NRAP: variants seen among roughly 807,000 people sequenced by gnomAD.
The protein encoded by NRAP is nebulin-related-anchoring protein.
Under a neutral mutation model 225.9 loss-of-function variants are expected in NRAP, and 189 were observed. The observed-to-expected ratio is 0.84, with a 90% CI of 0.74 to 0.94. The LOEUF is 0.94. NRAP is among the 40% of genes least tolerant of loss of function. The probability of loss-of-function intolerance (pLI) is 0.00; values close to 1 mark genes in which losing one functional copy is unlikely to be tolerated. For missense variants in NRAP, 2,176 were observed against 2,168.7 expected (o/e 1.00, Z -0.07); for synonymous variants, 769 against 790.7 (o/e 0.97, Z 0.46).
rs192020490 is a variant in NRAP at position 113,614,621 on chromosome 10, T to A, written c.3186+218A>T. ...GTGCATTTCATCTGCCCAGGGTCTA[T>A]GTTTACAGTCCAGCATTTGGCTTTG... is the stretch of plus-strand genomic sequence containing the variant. On this transcript the variant is annotated intron_variant, in intron 28 of 41. Coordinates refer to ENST00000359988, the MANE Select transcript of NRAP (RefSeq NM_198060.4). Among the ~76,000 whole-genome samples, 4 of 152,328 alleles carry A rather than the reference T, an allele frequency of 2.6e-5. No individual in the cohort carries two copies. The South Asian group carries it at 8.3e-4, about 32-fold the overall frequency.
In NRAP at chr10:113,645,854, C is replaced by A. The variant is rs1564750445; in HGVS notation, c.1081G>T (p.Ala361Ser). ...CTCACGAGTTTGTTTACGCTCTGAG[C>A]CTGTTTGAGAACCAAGTTGTCTTGA... ...PAQDNLVLKQAQSVNKLVSEV... is the reference protein window; with the variant it reads ...PAQDNLVLKQSQSVNKLVSEV... Residue 361 changes from alanine (A) to serine (S), a missense_variant, in exon 11 of 42, where the codon GCT (alanine) becomes TCT (serine). By Grantham distance (99) the Ala-to-Ser change is moderately conservative. This residue lies in a region of NRAP where 1,708 missense variants were observed against 1,695.5 expected (regional missense o/e 1.01). Transcript: ENST00000359988. 1 of 1,606,900 alleles carries A rather than the reference C, an allele frequency of 6.2e-7. No individual in the cohort carries two copies. Among genetic ancestry groups the A allele is most frequent in the Middle Eastern group, 1.7e-4 (1 of 6,050 alleles).
Position 113,608,434 on chromosome 10 carries a change from T to A in NRAP, c.3682A>T (p.Ser1228Cys), listed in dbSNP as rs147917122. 4 of 1,611,724 alleles carry A rather than the reference T, an allele frequency of 2.5e-6. No homozygotes were observed. The highest frequency in any genetic ancestry group is 2.7e-5 in the African/African-American group (2 of 74,876). The change falls in exon 32 of 42, where the codon AGC becomes TGC. Residue 1228 changes from serine (S) to cysteine (C), a missense_variant. This residue lies in a region of NRAP where 1,708 missense variants were observed against 1,695.5 expected (regional missense o/e 1.01). Transcript: ENST00000359988. The part of the protein sequence containing the change: ...DTPNLLHAKF[S>C]NQITNERLYK... The stretch of plus-strand genomic sequence containing the variant: ...TTTACCTCATTCGTTATCTGGTTGC[T>A]GAATTTCGCATGAAGGAGGTTGGGA...
intron 14 of NRAP, among the ~76,000 whole-genome samples, chr10:113,636,809 C>A (rs994859470): frequency 6.6e-6 from 1 of 151,992 alleles, no homozygotes; most frequent in Non-Finnish European, 1.5e-5. Context: ...GAGTTCAAGA[C>A]CAGCCTCACC....
intron 35 of NRAP, among the ~76,000 whole-genome samples, chr10:113,603,118 A>G (rs1239574655): frequency 6.6e-6 from 1 of 152,170 alleles, no homozygotes; most frequent in Admixed American, 6.5e-5. Context: ...GGGCCTAGAG[A>G]GAGGATGTGA....
intron 36 of NRAP, among the ~76,000 whole-genome samples, 162 bp downstream of exon 36, chr10:113,597,807 C>T (rs576959576): frequency 1.2e-4 from 18 of 152,276 alleles, no homozygotes; most frequent in Non-Finnish European, 2.6e-4. Context: ...GGAGGGAAAC[C>T]TCATTCTGTC....
chr10:113,620,828 T>G, intron 24 of NRAP, 120 bp from the exon 25 acceptor site: 1 of 709,518 alleles, frequency 1.4e-6, no homozygotes, highest in African/African-American at 1.8e-5. Context: ...AGATGCCACT[T>G]TTGTCTTATG....
At chr10:113,615,669 G>T in intron 27 of NRAP, 43 bp downstream of exon 27, 1 of 1,095,374 alleles carries the variant, frequency 9.1e-7, no homozygotes, top group Non-Finnish European at 1.4e-6. Context: ...GACCAGCCCC[G>T]CTCTCCCGTC....
At chr10:113,644,648 T>C (rs1849395542) in intron 11 of NRAP, among the ~76,000 whole-genome samples, 1 of 152,220 alleles carries the variant, frequency 6.6e-6, no homozygotes, top group Non-Finnish European at 1.5e-5. Flanking sequence ...AACAGTCATC[T>C]ACCACTTCAA....
chr10:113,610,754 G>A (rs1013786697), intron 30 of NRAP, among the ~76,000 whole-genome samples, 191 bp from the exon 31 acceptor site: 1 of 152,136 alleles, frequency 6.6e-6, no homozygotes, highest in Non-Finnish European at 1.5e-5. Flanking sequence ...TCACTAGGGG[G>A]GAAGCAATGT....
chr10:113,642,720 A>G (rs1057122867), intron 12 of NRAP, among the ~76,000 whole-genome samples: 3 of 152,216 alleles, frequency 2.0e-5, no homozygotes, highest in African/African-American at 4.8e-5. Flanking sequence ...TCCCGCCCAG[A>G]GGACTCAGGG....
chr10:113,655,215 G>T (rs79093498), intron 4 of NRAP, among the ~76,000 whole-genome samples: 1,571 of 152,298 alleles, frequency 0.01, 18 homozygotes, highest in South Asian at 0.032. Context: ...CTCACACACT[G>T]CCTTTGGGAG....
At chr10:113,651,935 T>G in intron 6 of NRAP, 28 bp from the exon 7 acceptor site, 4 of 1,437,648 alleles carry the variant, frequency 2.8e-6, no homozygotes, top group Non-Finnish European at 3.9e-6. Flanking sequence ...GAGTCAAGGG[T>G]GCACCCACCT....
At chr10:113,660,374 CAT>C (rs964410041) in intron 3 of NRAP, among the ~76,000 whole-genome samples, 1 of 151,984 alleles carries the variant, frequency 6.6e-6, no homozygotes, top group Non-Finnish European at 1.5e-5. Flanking sequence ...TGCACACACA[CAT>C]ATATATACAC....
At chr10:113,597,055 T>A (rs772897500) in intron 37 of NRAP, 31 bp downstream of exon 37, 10 of 1,433,716 alleles carry the variant, frequency 7.0e-6, no homozygotes, top group Non-Finnish European at 9.8e-6. Context: ...CTACACTGCA[T>A]GCCCGGGATG....
Position 113,614,890 on chromosome 10 carries a change from C to T in NRAP, c.3135G>A (p.Leu1045=), listed in dbSNP as rs756957233. ...TTGCTGCTTGGAATGGAAGGGCATC[C>T]AACCTCAGTTTATAGCCACCATCTC... ...KLRDGGYKLR[L]DALPFQAAKA... The change falls in exon 28 of 42, where the codon TTG becomes TTA. Residue 1045 remains leucine (L), a synonymous_variant. Coordinates refer to ENST00000359988, the MANE Select transcript of NRAP (RefSeq NM_198060.4). 2 of 1,613,370 alleles carry T rather than the reference C, an allele frequency of 1.2e-6. No individual in the cohort carries two copies. Among genetic ancestry groups the T allele is most frequent in the African/African-American group, 2.7e-5 (2 of 74,918 alleles).
chr10:113,637,162 T>C (rs1848920646), intron 14 of NRAP, among the ~76,000 whole-genome samples: 2 of 152,222 alleles, frequency 1.3e-5, no homozygotes, highest in Admixed American at 1.3e-4. Context: ...CAGCTCATCA[T>C]AATTATGACT....
intron 40 of NRAP, 58 bp downstream of exon 40, chr10:113,590,520 T>C: frequency 6.5e-7 from 1 of 1,537,290 alleles, no homozygotes; most frequent in African/African-American, 1.4e-5. Context: ...ATTATGGCCA[T>C]CTCTTAGGAA....
intron 38 of NRAP, among the ~76,000 whole-genome samples, chr10:113,594,757 G>A (rs1297720776): frequency 2.6e-5 from 4 of 152,204 alleles, no homozygotes; most frequent in African/African-American, 7.2e-5. Context: ...TAATACACAC[G>A]CTAACTAGAA....
In NRAP at chr10:113,631,949, C is replaced by T. The variant is rs1848605929; in HGVS notation, c.1648G>A (p.Gly550Ser). Residue 550 changes from glycine to serine, a missense_variant, in exon 17 of 42, where the codon GGC becomes AGC. Around this residue, in one of 3 missense-constraint regions of NRAP, gnomAD observed 1,708 missense variants for 1,695.5 expected, o/e 1.01. Transcript: ENST00000359988. ...KLFSEVKYKE[G>S]WEKTKGKGFE... ...CCTTTCCCCTTTGTCTTCTCCCAGCCTTCTTTATACTTAACCTGACAAACA... is the reference window on the plus strand; with the variant it reads ...CCTTTCCCCTTTGTCTTCTCCCAGCTTTCTTTATACTTAACCTGACAAACA... 2 of 1,604,116 alleles carry T rather than the reference C, an allele frequency of 1.2e-6. No individual in the cohort carries two copies. Among genetic ancestry groups the T allele is most frequent in the Non-Finnish European group, 1.7e-6 (2 of 1,170,910 alleles).
Sources: allele counts gnomAD v4.1 joint callset (sites outside exome capture counted in the v4.1 genomes callset), GRCh38; gene constraint gnomAD v4.1.1; regional missense constraint gnomAD v4.1.1; transcripts MANE v1.5; gene names NCBI Gene and HGNC (gene_info 2026-07-23, HGNC 2026-07-21).